Variants in TRIM37 observed in about 807,000 individuals in gnomAD.
The protein encoded by TRIM37 is E3 ubiquitin-protein ligase TRIM37.
In TRIM37, 80 loss-of-function variants were observed where a neutral mutation model predicts 129.8. That is an observed-to-expected ratio of 0.62 (90% CI 0.51 to 0.74). TRIM37 has a LOEUF of 0.74. TRIM37 is among the 30% of genes least tolerant of loss of function. TRIM37 has a pLI of 0.00. For missense variants in TRIM37, 1,054 were observed against 1,176.5 expected (o/e 0.90, Z 1.52); for synonymous variants, 389 against 387.1 (o/e 1.00, Z -0.06).
chr17:59,038,673 A>C (rs2038819343), intron 17 of TRIM37, among the ~76,000 whole-genome samples: 1 of 152,164 alleles, frequency 6.6e-6, no homozygotes, highest in African/African-American at 2.4e-5. Flanking sequence ...TCTCTACCAC[A>C]CAGTTTAAGA....
chr17:58,974,539 G>A, the TRIM37 span, among the ~76,000 whole-genome samples: 1 of 152,046 alleles, frequency 6.6e-6, no homozygotes, highest in East Asian at 1.9e-4. Flanking sequence ...CTCACTTTGG[G>A]CCCTGGGTTT....
At chr17:58,982,999 A>C in intron 24 of TRIM37, 1 of 1,363,632 alleles carries the variant, frequency 7.3e-7, no homozygotes, top group South Asian at 1.3e-5. Flanking sequence ...GTAAAAAAAA[A>C]AGCTTTTTAA....
intron 10 of TRIM37, 130 bp downstream of exon 10, chr17:59,064,225 G>A (rs2041741674): frequency 2.8e-6 from 2 of 719,740 alleles, no homozygotes; most frequent in East Asian, 2.7e-5. Flanking sequence ...TTTCTAATAG[G>A]AAACTTATTC....
At chr17:59,013,798 G>A (rs1021077499) in intron 21 of TRIM37, among the ~76,000 whole-genome samples, 4 of 152,082 alleles carry the variant, frequency 2.6e-5, no homozygotes, top group Non-Finnish European at 5.9e-5. Flanking sequence ...AAAGTGCTGG[G>A]ATTACAGGTG....
At chr17:59,024,436 A>T (rs2036998977) in intron 19 of TRIM37, among the ~76,000 whole-genome samples, 1 of 152,212 alleles carries the variant, frequency 6.6e-6, no homozygotes, top group Admixed American at 6.5e-5. Context: ...CTAAAAAAGG[A>T]TATGAATATA....
exon 25 of TRIM37, chr17:58,982,707 A>G: frequency 2.0e-6 from 1 of 509,596 alleles, no homozygotes; most frequent in Non-Finnish European, 3.5e-6. Flanking sequence ...AGAGACTTTC[A>G]GTATTTGTTT....
At chr17:58,997,459 C>T (rs1410509482), downstream of TRIM37, among the ~76,000 whole-genome samples, 1 of 152,130 alleles carries the variant, frequency 6.6e-6, no homozygotes, top group Non-Finnish European at 1.5e-5. Context: ...AATCATACAA[C>T]CTCCCTGAAC....
chr17:59,085,592 G>C (rs2043682268), intron 4 of TRIM37, among the ~76,000 whole-genome samples: 1 of 151,998 alleles, frequency 6.6e-6, no homozygotes. Flanking sequence ...ACTACTGGTG[G>C]GACTGTAAAA....
At chr17:58,996,781 AGT>A (rs1491479441), downstream of TRIM37, among the ~76,000 whole-genome samples, 4 of 135,676 alleles carry the variant, frequency 2.9e-5, no homozygotes, top group Admixed American at 7.3e-5. Context: ...AAAAAAAAAA[AGT>A]ATATATATAT....
At chr17:59,020,196 A>G (rs2036426968) in intron 19 of TRIM37, among the ~76,000 whole-genome samples, 1 of 127,780 alleles carries the variant, frequency 7.8e-6, no homozygotes, top group Non-Finnish European at 1.6e-5. Context: ...ACGCCACTGC[A>G]CTCCAGCCTG....
At chr17:59,095,252 G>A (rs1469349358) in intron 2 of TRIM37, among the ~76,000 whole-genome samples, 4 of 152,020 alleles carry the variant, frequency 2.6e-5, no homozygotes, top group Non-Finnish European at 4.4e-5. Flanking sequence ...GAAGTTACTA[G>A]GAAGATGGTA....
At chr17:59,046,356 C>T (rs927629183) in intron 16 of TRIM37, among the ~76,000 whole-genome samples, 6 of 152,112 alleles carry the variant, frequency 3.9e-5, no homozygotes, top group Non-Finnish European at 5.9e-5. Context: ...ATGGGACATA[C>T]TGACATCATG....
intron 19 of TRIM37, among the ~76,000 whole-genome samples, chr17:59,022,326 T>C (rs895239960): frequency 6.6e-6 from 1 of 152,188 alleles, no homozygotes; most frequent in African/African-American, 2.4e-5. Flanking sequence ...AGAAAAATAA[T>C]ATAATTTACT....
chr17:59,049,787 C>T (rs905540268), intron 14 of TRIM37, among the ~76,000 whole-genome samples: 3 of 152,166 alleles, frequency 2.0e-5, no homozygotes, highest in Non-Finnish European at 4.4e-5. Flanking sequence ...AATGAGCCAC[C>T]TCACTTGGCA....
At chr17:58,982,294 G>GT, downstream of TRIM37, 1 of 152,450 alleles carries the variant, frequency 6.6e-6, no homozygotes, top group South Asian at 2.1e-4. Flanking sequence ...TTTCAAGTTA[G>GT]TTAGAAGCAT....
chr17:58,975,630 T>C, the TRIM37 span, among the ~76,000 whole-genome samples: 1 of 152,296 alleles, frequency 6.6e-6, no homozygotes, highest in South Asian at 2.1e-4. Flanking sequence ...AGGCATGGCA[T>C]GTTTTAGGAA....
At position 59,042,440 on chromosome 17, in the gene TRIM37, AAAAAAAAAAATAT is replaced by A. The variant is rs1338332156; in HGVS notation, c.1668-555_1668-543del. 6.9e-3 allele frequency among the ~76,000 whole-genome samples: 451 copies of A among 65,410 alleles called. 9 individuals are homozygous for A. The highest frequency in any genetic ancestry group is 0.04 in the East Asian group (61 of 1,526). 42.9% of individuals were successfully genotyped at this position (65,410 alleles called of 152,430 possible). On this transcript the variant is annotated intron_variant, in intron 16 of 23. Coordinates refer to ENST00000262294, the MANE Select transcript of TRIM37 (RefSeq NM_015294.6). ...AAGAAAAAAAGGAATTTAAAAAAAA[AAAAAAAAAAATAT>A]ATATATATATATATATATATATCTC...
At chr17:58,972,353 T>TA in the TRIM37 span, 1 of 1,455,202 alleles carries the variant, frequency 6.9e-7, no homozygotes, top group Non-Finnish European at 9.3e-7. Context: ...AGGATTCACT[T>TA]ACTTTTTTTT....
rs73319216 is a variant in TRIM37 at position 59,052,008 on chromosome 17, C to T, written c.1200-680G>A. Among the ~76,000 whole-genome samples the T allele has an allele frequency of 9.7e-3, 1,483 of 152,220 alleles. 30 individuals carry two copies. Among genetic ancestry groups the T allele is most frequent in the African/African-American group, 0.033 (1,371 of 41,520 alleles). On this transcript the variant is annotated intron_variant, in intron 13 of 23. Transcript: ENST00000262294. ...GAAAAAAAATCACTTCCTGGCTCAA[C>T]CACCCAGGATTGCTTTACTATCCCC...
Sources: gnomAD v4.1 joint callset for allele counts (sites outside exome capture counted in the v4.1 genomes callset) on GRCh38, gnomAD v4.1.1 for gene constraint, MANE v1.5 for transcripts, NCBI Gene and HGNC (gene_info 2026-07-23, HGNC 2026-07-21) for gene names.